REPS2: variants seen among roughly 807,000 people sequenced by gnomAD.
REPS2 encodes the protein RALBP1 associated Eps domain containing 2.
A neutral mutation model predicts 53.6 loss-of-function variants in REPS2; 23 were observed. That is an observed-to-expected ratio of 0.43 (90% CI 0.31 to 0.61). The LOEUF is 0.61. Ranked by LOEUF, REPS2 falls within the 20% of genes least tolerant of loss-of-function variation. The pLI, the probability that REPS2 is intolerant of heterozygous loss-of-function variation, is 0.11. For missense variants in REPS2, 446 were observed against 534.9 expected (o/e 0.83, Z 1.64); for synonymous variants, 238 against 218.6 (o/e 1.09, Z -0.78).
rs2147992743 is a variant in REPS2, at chrX:17,077,305, A to G, written c.1414A>G (p.Lys472Glu). ...TAGCACCTCCATAGAAGAGGCCATG[A>G]AAAGGGGCGAGGACCCTCCCACCCC... The part of the protein sequence containing the change: ...YSSTSIEEAM[K>E]RGEDPPTPPP... The change falls in exon 13 of 18, where the codon AAA becomes GAA. Residue 472 changes from lysine (K) to glutamate (E), a missense_variant. By Grantham distance (56) the Lys-to-Glu change is moderately conservative. Transcript: ENST00000357277. The G allele has an allele frequency of 1.7e-6, 2 of 1,207,663 alleles. No homozygotes were observed. Among genetic ancestry groups the G allele is most frequent in the East Asian group, 3.0e-5 (1 of 33,657 alleles).
intron 1 of REPS2, among the ~76,000 whole-genome samples, chrX:16,994,193 G>A (rs2061197135): frequency 8.9e-6 from 1 of 112,556 alleles, no homozygotes; most frequent in African/African-American, 3.2e-5. Context: ...CGTGTGCCAC[G>A]TGTTTATAGC....
chrX:17,172,971 A>G, the REPS2 span, among the ~76,000 whole-genome samples: 1 of 63,059 alleles, frequency 1.6e-5, no homozygotes, highest in Admixed American at 2.0e-4. Flanking sequence ...GTCTGTGTGT[A>G]TGTATGTGTG....
At chrX:17,067,050 G>A (rs1165795300) in intron 9 of REPS2, among the ~76,000 whole-genome samples, 1 of 111,734 alleles carries the variant, frequency 8.9e-6, no homozygotes, top group Non-Finnish European at 1.9e-5. Flanking sequence ...ATGGCTCCAG[G>A]CATTTACTCT....
At chrX:17,136,357 C>G (rs2063365676) in intron 16 of REPS2, 1 of 111,464 alleles carries the variant, frequency 9.0e-6, no homozygotes, top group Non-Finnish European at 1.9e-5. Flanking sequence ...ATGGACAGGT[C>G]CCTGGTGGTA....
intron 1 of REPS2, among the ~76,000 whole-genome samples, chrX:16,964,027 A>G (rs1171499091): frequency 9.3e-6 from 1 of 107,259 alleles, no homozygotes; most frequent in Non-Finnish European, 1.9e-5. Flanking sequence ...ATTTAATTTT[A>G]TTATTATTAT....
the REPS2 span, among the ~76,000 whole-genome samples, chrX:17,185,472 C>T: frequency 8.2e-4 from 92 of 111,625 alleles, 2 homozygotes; most frequent in East Asian, 0.023. Flanking sequence ...ATTGTAACTC[C>T]GCGAGAGCAG....
chrX:17,143,942 G>GCCCT (rs2063479854), intron 17 of REPS2, among the ~76,000 whole-genome samples: 1 of 111,964 alleles, frequency 8.9e-6, no homozygotes, highest in Admixed American at 9.5e-5. Flanking sequence ...ATATCTGATG[G>GCCCT]CCCTTCTTTG....
chrX:17,002,011 G>A (rs762603793), intron 1 of REPS2, among the ~76,000 whole-genome samples: 3 of 111,831 alleles, frequency 2.7e-5, no homozygotes, highest in Non-Finnish European at 5.6e-5. Flanking sequence ...TTGAGATTTG[G>A]GTGAGGACAC....
Position 17,023,925 on chromosome X carries a change from T to A in REPS2, c.547-1134T>A, listed in dbSNP as rs746867214. ...CTTTTTCTTGAAGAAGAGTATTTGA[T>A]CAGTATTTCAGATTACATATTTCTC... On this transcript the variant is annotated intron_variant, in intron 3 of 17. Coordinates refer to ENST00000357277, the MANE Select transcript of REPS2 (RefSeq NM_004726.3). Among the ~76,000 whole-genome samples, 9 of 111,183 alleles carry A rather than the reference T, an allele frequency of 8.1e-5. No homozygotes were observed. The South Asian group carries it at 3.4e-3, about 42-fold the overall frequency.
At position 17,027,730 on chromosome X, in the gene REPS2, C is replaced by G. The variant is rs2061664465; in HGVS notation, c.674-1796C>G. ...ATGGTACTTCCAGTTCTTATTAAAC[C>G]TCTTGTAAGGGGATCAAAGAATTAT... is the stretch of plus-strand genomic sequence containing the variant. On this transcript the variant is annotated intron_variant, in intron 4 of 17. Coordinates refer to ENST00000357277, the MANE Select transcript of REPS2 (RefSeq NM_004726.3). Among the ~76,000 whole-genome samples the G allele has an allele frequency of 4.0e-5, 4 of 99,483 alleles. No individual in the cohort carries two copies. In the South Asian group the frequency reaches 1.9e-3, roughly 47 times the overall value. The allele number at this position is 99,483 out of a possible 115,157, so 86.4% of individuals were successfully genotyped here.
intron 1 of REPS2, among the ~76,000 whole-genome samples, chrX:17,001,396 G>C (rs1354037299): frequency 8.9e-6 from 1 of 112,414 alleles, no homozygotes; most frequent in African/African-American, 3.2e-5. Flanking sequence ...TATCACCTGT[G>C]TGGTGTTCTT....
chrX:17,187,320 G>A, the REPS2 span, among the ~76,000 whole-genome samples: 3 of 111,710 alleles, frequency 2.7e-5, no homozygotes, highest in South Asian at 3.8e-4. Flanking sequence ...GCAGGCTGCA[G>A]GGACCAGGGC....
intron 1 of REPS2, among the ~76,000 whole-genome samples, chrX:16,965,983 G>T (rs760094332): frequency 1.8e-5 from 2 of 112,470 alleles, no homozygotes; most frequent in African/African-American, 3.2e-5. Context: ...GGCGGCGCGC[G>T]CCTGCAATTG....
intron 8 of REPS2, among the ~76,000 whole-genome samples, chrX:17,059,159 T>A (rs1389096917): frequency 1.8e-5 from 2 of 108,446 alleles, no homozygotes; most frequent in Non-Finnish European, 3.8e-5. Flanking sequence ...TACAGGCACA[T>A]GCCACCATGC....
chrX:17,060,023 G>A (rs2062136846), intron 8 of REPS2, among the ~76,000 whole-genome samples: 1 of 39,318 alleles, frequency 2.5e-5, no homozygotes, highest in African/African-American at 1.2e-4. Flanking sequence ...AGTTTCAGCT[G>A]GGTGGGGTGG....
intron 1 of REPS2, among the ~76,000 whole-genome samples, chrX:16,984,586 A>G (rs953752777): frequency 8.9e-6 from 1 of 112,359 alleles, no homozygotes; most frequent in African/African-American, 3.2e-5. Context: ...ATTATGAATT[A>G]TATTTCCTTT....
intron 1 of REPS2, among the ~76,000 whole-genome samples, chrX:16,967,624 A>G (rs1481250361): frequency 9.0e-6 from 1 of 110,613 alleles, no homozygotes; most frequent in Non-Finnish European, 1.9e-5. Flanking sequence ...TGATCACACC[A>G]TTGTGCTCCA....
intron 1 of REPS2, among the ~76,000 whole-genome samples, chrX:16,964,015 T>G (rs1469582685): frequency 9.1e-6 from 1 of 109,864 alleles, no homozygotes; most frequent in East Asian, 2.8e-4. Flanking sequence ...TTTTTTAATT[T>G]AATTTAATTT....
chrX:17,153,465 A>G (rs2063587273), downstream of REPS2, among the ~76,000 whole-genome samples: 1 of 111,941 alleles, frequency 8.9e-6, no homozygotes, highest in African/African-American at 3.3e-5. Context: ...CTTGGCAGTC[A>G]TGGGATATCA....
Sources: allele counts gnomAD v4.1 joint callset (sites outside exome capture counted in the v4.1 genomes callset), GRCh38; gene constraint gnomAD v4.1.1; transcripts MANE v1.5; gene names NCBI Gene and HGNC (gene_info 2026-07-23, HGNC 2026-07-21).